The following ELF2 variants were observed in gnomAD, a reference collection of about 807,000 sequenced individuals.
ELF2 encodes the protein ETS-related transcription factor Elf-2.
Under a neutral mutation model 54.8 loss-of-function variants are expected in ELF2, and 11 were observed. That is an observed-to-expected ratio of 0.20 (90% CI 0.13 to 0.33). The LOEUF (loss-of-function observed/expected upper bound fraction) is 0.33. ELF2 is among the 10% of genes least tolerant of loss of function. The pLI is 1.00. For synonymous variants in ELF2, 203 were observed against 245.1 expected, an observed-to-expected ratio of 0.83 and a Z score of 1.61; for missense variants, 513 against 703.0, an observed-to-expected ratio of 0.73 and a Z score of 3.06.
intron 4 of ELF2, among the ~76,000 whole-genome samples, chr4:139,088,859 AG>A (rs1415119781): frequency 7.9e-5 from 12 of 152,122 alleles, no homozygotes; most frequent in African/African-American, 2.9e-4. Context: ...CCCAGGTTCA[AG>A]CGAGTCTCCT....
chr4:139,122,391 T>C (rs1488491774), intron 4 of ELF2, among the ~76,000 whole-genome samples: 1 of 152,254 alleles, frequency 6.6e-6, no homozygotes, highest in Non-Finnish European at 1.5e-5. Context: ...TAAAAGGAAA[T>C]ATGCATACCA....
chr4:139,134,008 A>G (rs1737833608), intron 3 of ELF2, among the ~76,000 whole-genome samples: 1 of 152,106 alleles, frequency 6.6e-6, no homozygotes, highest in Admixed American at 6.5e-5. Flanking sequence ...GCCTTGTAGT[A>G]ATGTTGCCAG....
In ELF2 at chr4:139,057,578, T is replaced by C. The variant is rs1029400254; in HGVS notation, c.*1405A>G. On this transcript the variant is annotated 3_prime_UTR_variant, in exon 10 of 10. Transcript: ENST00000686138. The stretch of plus-strand genomic sequence containing the variant: ...TCTTTTTAATCCACAAAAGGTCTGA[T>C]TGTGAAACAAATGGTTTAAAGTGTT... The C allele has an allele frequency of 6.6e-6, 1 of 152,222 alleles. No individual in the cohort carries two copies. Among genetic ancestry groups the C allele is most frequent in the African/African-American group, 2.4e-5 (1 of 41,478 alleles). 9.4% of individuals were successfully genotyped at this position (152,222 alleles called of 1,614,324 possible). A position where few individuals can be genotyped will look rare whatever the true frequency, so the allele number is the denominator to read the frequency against.
At position 139,060,501 on chromosome 4, in the gene ELF2, G is replaced by A. The variant is rs1429577015; in HGVS notation, c.980C>T (p.Ala327Val). 9.9e-6 allele frequency: 16 copies of A among 1,614,054 alleles called. No individual in the cohort carries two copies. The highest frequency in any genetic ancestry group is 1.3e-5 in the Non-Finnish European group (15 of 1,180,038). Residue 327 changes from alanine to valine, a missense_variant, in exon 9 of 10, where the codon GCA becomes GTA. Coordinates refer to ENST00000686138, the MANE Select transcript of ELF2 (RefSeq NM_001331036.3). ...EKSLERVSLS[A>V]ESLLKAASSV... ...GGATGCTGCTTTCAGGAGACTTTCT[G>A]CAGACAGTGACACTCGTTCTAATGA...
chr4:139,090,713 G>A (rs992346496), intron 4 of ELF2, among the ~76,000 whole-genome samples: 1 of 152,044 alleles, frequency 6.6e-6, no homozygotes, highest in African/African-American at 2.4e-5. Flanking sequence ...TCGTGCCTCT[G>A]CCACCCGAGT....
intron 3 of ELF2, among the ~76,000 whole-genome samples, chr4:139,127,936 G>C (rs1421688915): frequency 6.7e-6 from 1 of 149,434 alleles, no homozygotes; most frequent in South Asian, 2.1e-4. Flanking sequence ...CTGCATTCCA[G>C]CCTGGCTGAC....
chr4:139,107,491 C>T (rs1397269591), intron 4 of ELF2, among the ~76,000 whole-genome samples: 1 of 152,104 alleles, frequency 6.6e-6, no homozygotes, highest in Non-Finnish European at 1.5e-5. Flanking sequence ...ATACGTACCC[C>T]AAAATATGTA....
chr4:139,107,466 A>T (rs1301064352), intron 4 of ELF2, among the ~76,000 whole-genome samples: 1 of 152,224 alleles, frequency 6.6e-6, no homozygotes, highest in Non-Finnish European at 1.5e-5. Flanking sequence ...CATTATATAT[A>T]TGTATCAAAA....
At chr4:139,168,169 T>C (rs1741913368) in intron 1 of ELF2, among the ~76,000 whole-genome samples, 1 of 152,224 alleles carries the variant, frequency 6.6e-6, no homozygotes, top group Non-Finnish European at 1.5e-5. Flanking sequence ...CTACATGATT[T>C]ACCTGGATAA....
intron 4 of ELF2, chr4:139,084,432 G>T: frequency 8.4e-7 from 1 of 1,184,452 alleles, no homozygotes; most frequent in Non-Finnish European, 1.0e-6. Context: ...GGGGCGGCAG[G>T]GGCAGGGGCG....
intron 9 of ELF2, 54 bp downstream of exon 9, chr4:139,060,270 C>T (rs1475979670): frequency 6.2e-6 from 9 of 1,444,618 alleles, no homozygotes; most frequent in South Asian, 1.4e-5. Context: ...GTTTTCACCA[C>T]GGAGACTTTT....
intron 4 of ELF2, among the ~76,000 whole-genome samples, chr4:139,082,141 G>T (rs941727295): frequency 4.6e-5 from 7 of 152,150 alleles, no homozygotes; most frequent in African/African-American, 1.7e-4. Flanking sequence ...ATGGCAAAGT[G>T]AAGCCCTCCT....
intron 6 of ELF2, among the ~76,000 whole-genome samples, chr4:139,068,209 AC>A (rs971975517): frequency 3.3e-5 from 5 of 152,054 alleles, no homozygotes; most frequent in African/African-American, 9.7e-5. Flanking sequence ...TTTAGTAGAG[AC>A]GGGGTTTCAC....
intron 4 of ELF2, among the ~76,000 whole-genome samples, chr4:139,090,680 C>T (rs1254477574): frequency 6.6e-6 from 1 of 152,096 alleles, no homozygotes; most frequent in Non-Finnish European, 1.5e-5. Flanking sequence ...ATGCAACCTC[C>T]GCCTCCCAGG....
intron 4 of ELF2, among the ~76,000 whole-genome samples, chr4:139,114,571 A>AGT (rs1735366618): frequency 4.2e-5 from 5 of 118,752 alleles, no homozygotes; most frequent in African/African-American, 8.7e-5. Context: ...TCACACACAC[A>AGT]CACACACACA....
chr4:139,136,608 T>C (rs1188325547), intron 3 of ELF2, among the ~76,000 whole-genome samples: 2 of 152,076 alleles, frequency 1.3e-5, no homozygotes, highest in East Asian at 1.9e-4. Context: ...TGAACAAATA[T>C]TGTCCATTAT....
chr4:139,136,067 A>G (rs1203807864), intron 3 of ELF2, among the ~76,000 whole-genome samples: 1 of 152,214 alleles, frequency 6.6e-6, no homozygotes, highest in Non-Finnish European at 1.5e-5. Flanking sequence ...GCAAAACTAT[A>G]TGGCAGGAGA....
chr4:139,133,441 T>C (rs1737758713), intron 3 of ELF2, among the ~76,000 whole-genome samples: 2 of 152,192 alleles, frequency 1.3e-5, no homozygotes, highest in African/African-American at 4.8e-5. Context: ...ATAACCACAC[T>C]GCCTCAATTA....
Position 139,060,383 on chromosome 4 carries a change from G to C in ELF2, c.1098C>G (p.His366Gln), listed in dbSNP as rs201024586. ...ARVVNITSPG[H>Q]DASSRSPTTT... ...TAGTAGGAGACCTGGATGAAGCATC[G>C]TGCCCAGGGGAAGTGATATTCACAA... The change falls in exon 9 of 10, where the codon CAC (histidine) becomes CAG (glutamine). Residue 366 changes from histidine to glutamine, a missense_variant. Around this residue, in one of 3 missense-constraint regions of ELF2, gnomAD observed 291 missense variants for 366.1 expected, o/e 0.79. Coordinates refer to ENST00000686138, the MANE Select transcript of ELF2 (RefSeq NM_001331036.3). The C allele has an allele frequency of 1.2e-6, 2 of 1,613,862 alleles. No homozygotes were observed. The highest frequency in any genetic ancestry group is 1.3e-5 in the African/African-American group (1 of 74,890).
Sources: allele counts gnomAD v4.1 joint callset (sites outside exome capture counted in the v4.1 genomes callset), GRCh38; gene constraint gnomAD v4.1.1; regional missense constraint gnomAD v4.1.1; transcripts MANE v1.5; gene names NCBI Gene and HGNC (gene_info 2026-07-23, HGNC 2026-07-21).